Variants in F5 observed in about 807,000 individuals in gnomAD.
F5 encodes the protein coagulation factor V, also known as activated protein c cofactor.
F5 carries 138 observed loss-of-function variants against 216.4 expected under a neutral mutation model. That is an observed-to-expected ratio of 0.64 (90% CI 0.56 to 0.73). The LOEUF is 0.73. Among genes scored for constraint, F5 ranks in the 30% least tolerant of loss-of-function variants. The pLI is 0.00. For missense variants in F5, 2,403 were observed against 2,674.0 expected, an observed-to-expected ratio of 0.90 and a Z score of 2.24; for synonymous variants, 916 against 930.7, an observed-to-expected ratio of 0.98 and a Z score of 0.29.
At chr1:169,536,423 C>A in intron 14 of F5, 83 bp downstream of exon 14, 1 of 1,133,392 alleles carries the variant, frequency 8.8e-7, no homozygotes, top group Non-Finnish European at 1.3e-6. Flanking sequence ...TCACCTATAG[C>A]TCTCTTGCCA....
At position 169,586,443 on chromosome 1, in the gene F5, C is replaced by G; in HGVS notation, c.-57G>C. On this transcript the variant is annotated 5_prime_UTR_variant, in exon 1 of 25. Coordinates refer to ENST00000367797, the MANE Select transcript of F5 (RefSeq NM_000130.5). ...ACCCCAGGACCTGGGCAGCGCTTGC[C>G]GAGCTGCTAACCACACTCCGGGCTG... 1.3e-6 allele frequency: 2 copies of G among 1,579,544 alleles called. No homozygotes were observed. The highest frequency in any genetic ancestry group is 2.3e-5 in the East Asian group (1 of 43,242).
At chr1:169,570,113 A>G (rs1660690935) in intron 3 of F5, among the ~76,000 whole-genome samples, 1 of 152,134 alleles carries the variant, frequency 6.6e-6, no homozygotes, top group Admixed American at 6.6e-5. Context: ...TCTTAGATTC[A>G]TAGGACCAGA....
intron 14 of F5, among the ~76,000 whole-genome samples, chr1:169,533,500 A>T (rs1659635394): frequency 6.6e-6 from 1 of 152,230 alleles, no homozygotes; most frequent in South Asian, 2.1e-4. Flanking sequence ...TATGTATCTG[A>T]CAAAGGTCTA....
At position 169,524,819 on chromosome 1, in the gene F5, C is replaced by G. The variant is rs1179465860; in HGVS notation, c.5788+18G>C. 6.2e-7 allele frequency: 1 copy of G among 1,607,256 alleles called. No homozygotes were observed. Among genetic ancestry groups the G allele is most frequent in the Non-Finnish European group, 8.5e-7 (1 of 1,173,888 alleles). ...ACTGTAGGGGGTACCATTCACAGAC[C>G]ATGGTGCTACAACTTACCCAGAAAC... is the stretch of plus-strand genomic sequence containing the variant. On this transcript the variant is annotated intron_variant, in intron 19 of 24. Transcript: ENST00000367797.
At chr1:169,575,509 C>T (rs375433520) in intron 2 of F5, among the ~76,000 whole-genome samples, 158 of 151,988 alleles carry the variant, frequency 1.0e-3, no homozygotes, top group African/African-American at 1.6e-3. Context: ...AGGATGATCT[C>T]GGAGGAGACT....
chr1:169,518,786 G>A (rs1311049975), intron 22 of F5, among the ~76,000 whole-genome samples: 1 of 152,116 alleles, frequency 6.6e-6, no homozygotes, highest in Admixed American at 6.6e-5. Flanking sequence ...CCAAAACACA[G>A]TAACTTGTCT....
intron 12 of F5, among the ~76,000 whole-genome samples, chr1:169,543,410 A>G (rs1659919000): frequency 6.6e-6 from 1 of 152,066 alleles, no homozygotes; most frequent in African/African-American, 2.4e-5. Context: ...AAAAAACAAA[A>G]GTGTTGCTTA....
rs1659077574 is a variant in F5, at chr1:169,513,362, C to T, written c.*951G>A. 6.6e-6 allele frequency among the ~76,000 whole-genome samples: 1 copy of T among 151,888 alleles called. No homozygotes were observed. Among genetic ancestry groups the T allele is most frequent in the South Asian group, 2.1e-4 (1 of 4,804 alleles). ...GATGTCTAAAGGTTCCCCAGTTGTG[C>T]AATATCTACAGGATCACTGAATGCC... is the stretch of plus-strand genomic sequence containing the variant. On this transcript the variant is annotated 3_prime_UTR_variant, in exon 25 of 25. Coordinates refer to ENST00000367797, the MANE Select transcript of F5 (RefSeq NM_000130.5).
chr1:169,515,676 CT>C (rs71869143), intron 23 of F5, 50 bp from the exon 24 acceptor site: 449 of 1,569,414 alleles, frequency 2.9e-4, no homozygotes, highest in Non-Finnish European at 3.1e-4. Context: ...AAAACCTTTG[CT>C]TTTTTTTTAG....
intron 2 of F5, among the ~76,000 whole-genome samples, chr1:169,575,206 C>A (rs193043267): frequency 6.6e-6 from 1 of 152,092 alleles, no homozygotes; most frequent in Non-Finnish European, 1.5e-5. Context: ...AAAGGGATGG[C>A]CAAAGACATT....
chr1:169,560,424 G>T, intron 4 of F5, 130 bp downstream of exon 4: 5 of 805,498 alleles, frequency 6.2e-6, no homozygotes, highest in Non-Finnish European at 1.0e-5. Flanking sequence ...ACAATGATCT[G>T]GTCTCCGTGC....
In F5 at chr1:169,523,785, G is replaced by C; in HGVS notation, c.5892+16C>G. The C allele has an allele frequency of 6.4e-7, 1 of 1,570,090 alleles. No homozygotes were observed. ...ATTACGATAGCAGTAAATATTATCA[G>C]TCTATTAAGACAAACCTGGATCCAA... is the stretch of plus-strand genomic sequence containing the variant. On this transcript the variant is annotated intron_variant, in intron 20 of 24. Transcript: ENST00000367797.
rs571608618 is a variant in F5 at position 169,558,742 on chromosome 1, G to A, written c.730+411C>T. On this transcript the variant is annotated intron_variant, in intron 5 of 24. Coordinates refer to ENST00000367797, the MANE Select transcript of F5 (RefSeq NM_000130.5). The stretch of plus-strand genomic sequence containing the variant: ...CTCTTCTGTCACCTTTTGAAATGCT[G>A]GTTTTTTTTGTGTGTTGAGGATTAC... Among the ~76,000 whole-genome samples the A allele has an allele frequency of 2.6e-5, 4 of 152,198 alleles. No individual in the cohort carries two copies. The South Asian group carries it at 8.3e-4, about 32-fold the overall frequency.
At position 169,542,630 on chromosome 1, in the gene F5, G is replaced by A; in HGVS notation, c.2460C>T (p.Leu820=). Residue 820 remains leucine, a synonymous_variant, in exon 13 of 25, where the codon CTC becomes CTT. Transcript: ENST00000367797. ...LRHLIGKNSV[L]NSSTAEHSSP... is the part of the protein sequence containing the mutation. ...TGGAATGCTCTGCTGTGGAAGAATT[G>A]AGAACTGAGTTCTTGCCAATGAGGT... The A allele has an allele frequency of 1.2e-6, 2 of 1,614,074 alleles. No individual in the cohort carries two copies. Among genetic ancestry groups the A allele is most frequent in the Non-Finnish European group, 1.7e-6 (2 of 1,179,970 alleles).
At chr1:169,561,059 T>C (rs977603132) in intron 3 of F5, among the ~76,000 whole-genome samples, 7 of 152,192 alleles carry the variant, frequency 4.6e-5, no homozygotes, top group Non-Finnish European at 7.3e-5. Context: ...AATCAGAGAA[T>C]TGAATCGCCT....
intron 20 of F5, 98 bp downstream of exon 20, chr1:169,523,703 C>T: frequency 3.6e-6 from 4 of 1,116,130 alleles, no homozygotes; most frequent in Non-Finnish European, 5.4e-6. Flanking sequence ...TGCTATTTCC[C>T]CTAACAACAT....
chr1:169,556,425 T>TA lies in F5; in HGVS notation c.952+220dup, dbSNP rs61568675. 6.6e-4 allele frequency among the ~76,000 whole-genome samples: 39 copies of TA among 58,914 alleles called. 7 individuals are homozygous for TA. Among genetic ancestry groups the TA allele is most frequent in the Middle Eastern group, 0.026 (2 of 76 alleles). 38.6% of individuals were successfully genotyped at this position (58,914 alleles called of 152,430 possible). A position where few individuals can be genotyped will look rare whatever the true frequency, so the allele number is the denominator to read the frequency against. ...GAGATCTCTTTAGCTTTTGCTTAAT[T>TA]AAAAAAAAAAAAAAAACCTTTGCCA... On this transcript the variant is annotated intron_variant, in intron 6 of 24. Transcript: ENST00000367797.
Position 169,543,110 on chromosome 1 carries a change from A to G in F5, c.1980T>C (p.Thr660=). The G allele has an allele frequency of 6.2e-7, 1 of 1,613,248 alleles. No homozygotes were observed. Among genetic ancestry groups the G allele is most frequent in the South Asian group, 1.1e-5 (1 of 91,078 alleles). Reference sequence around the variant, plus strand: ...TAGAATTCATGGAAGTTAACATCCAAGTTCCTACAGAAGAGAGACAGACAG... The same window carrying G: ...TAGAATTCATGGAAGTTAACATCCAGGTTCCTACAGAAGAGAGACAGACAG... The part of the protein sequence containing the change: ...SVTVTMDNVG[T]WMLTSMNSSP... Residue 660 remains threonine, a synonymous_variant, in exon 13 of 25, where the codon ACT becomes ACC. Transcript: ENST00000367797.
chr1:169,563,212 G>T (rs560560264), intron 3 of F5, among the ~76,000 whole-genome samples: 1 of 152,122 alleles, frequency 6.6e-6, no homozygotes, highest in South Asian at 2.1e-4. Flanking sequence ...TTGTTCCCCT[G>T]TATGTGGTGT....
Sources: allele counts gnomAD v4.1 joint callset (sites outside exome capture counted in the v4.1 genomes callset), GRCh38; gene constraint gnomAD v4.1.1; transcripts MANE v1.5; gene names NCBI Gene and HGNC (gene_info 2026-07-23, HGNC 2026-07-21).